NSUN6: variants seen among roughly 807,000 people sequenced by gnomAD.
NSUN6 encodes the protein tRNA (cytosine(72)-C(5))-methyltransferase NSUN6.
A neutral mutation model predicts 58.0 loss-of-function variants in NSUN6; 64 were observed. The observed-to-expected ratio is 1.10, with a 90% CI of 0.90 to 1.36. The LOEUF (loss-of-function observed/expected upper bound fraction) is 1.36. NSUN6 is among the 40% of genes most tolerant of loss of function. The probability of loss-of-function intolerance (pLI) is 0.00; values close to 1 mark genes in which losing one functional copy is unlikely to be tolerated. For synonymous variants in NSUN6, 231 were observed against 193.9 expected (o/e 1.19, Z -1.59); for missense variants, 701 against 550.1 (o/e 1.27, Z -2.74).
At chr10:18,605,308 A>G in intron 6 of NSUN6, among the ~76,000 whole-genome samples, 1 of 152,210 alleles carries the variant, frequency 6.6e-6, no homozygotes, top group East Asian at 1.9e-4. Context: ...AAAATAATTA[A>G]ATATAGTAAT....
intron 7 of NSUN6, among the ~76,000 whole-genome samples, chr10:18,587,305 T>G (rs2057195366): frequency 6.6e-6 from 1 of 152,200 alleles, no homozygotes; most frequent in Non-Finnish European, 1.5e-5. Flanking sequence ...ACTGGTCATT[T>G]TAATATTTCC....
chr10:18,553,800 T>C (rs1408082994), intron 8 of NSUN6, among the ~76,000 whole-genome samples: 1 of 148,208 alleles, frequency 6.7e-6, no homozygotes, highest in African/African-American at 2.5e-5. Context: ...GAATGGAGAA[T>C]GGAATGGAAT....
chr10:18,610,077 T>TG, intron 5 of NSUN6, 151 bp from the exon 6 acceptor site: 1 of 608,504 alleles, frequency 1.6e-6, no homozygotes, highest in South Asian at 2.0e-5. Context: ...CCCAGCACTT[T>TG]GGGAGGCAGA....
chr10:18,652,824 G>A (rs1382908756), upstream of NSUN6: 1 of 808,906 alleles, frequency 1.2e-6, no homozygotes, highest in Non-Finnish European at 1.5e-6. Flanking sequence ...CTCCCAAAGT[G>A]CTGGGATTAC....
chr10:18,559,170 G>A (rs190914500), intron 8 of NSUN6, among the ~76,000 whole-genome samples: 1 of 151,140 alleles, frequency 6.6e-6, no homozygotes, highest in African/African-American at 2.4e-5. Context: ...GGAATGGAAT[G>A]GAGAATAGAA....
intron 3 of NSUN6, among the ~76,000 whole-genome samples, chr10:18,618,793 C>G (rs1217258054): frequency 6.6e-6 from 1 of 150,426 alleles, no homozygotes; most frequent in Non-Finnish European, 1.5e-5. Flanking sequence ...AGAGTCATCT[C>G]CTAATTCAAA....
intron 8 of NSUN6, among the ~76,000 whole-genome samples, chr10:18,558,445 GAGAATGGA>G (rs2055218769): frequency 6.6e-6 from 1 of 151,100 alleles, no homozygotes; most frequent in South Asian, 2.1e-4. Flanking sequence ...GGATGGTGTG[GAGAATGGA>G]ATAGAATGGA....
chr10:18,639,270 G>A (rs768623265), intron 3 of NSUN6, among the ~76,000 whole-genome samples: 4 of 152,144 alleles, frequency 2.6e-5, no homozygotes, highest in African/African-American at 7.2e-5. Flanking sequence ...TGAGGCAGGC[G>A]GATCATGAAG....
chr10:18,564,978 T>C (rs942019961), intron 8 of NSUN6, among the ~76,000 whole-genome samples: 1 of 151,212 alleles, frequency 6.6e-6, no homozygotes, highest in African/African-American at 2.4e-5. Flanking sequence ...CCATTCTCCA[T>C]TCCATTCCAT....
intron 7 of NSUN6, among the ~76,000 whole-genome samples, chr10:18,586,942 C>G (rs1032515842): frequency 3.9e-5 from 6 of 152,152 alleles, no homozygotes; most frequent in African/African-American, 1.4e-4. Context: ...GGTGCGTTTA[C>G]AATCCTCTAG....
intron 9 of NSUN6, among the ~76,000 whole-genome samples, chr10:18,549,865 G>C (rs2054497042): frequency 6.6e-6 from 1 of 152,184 alleles, no homozygotes. Flanking sequence ...GTGAAACACT[G>C]TATATGAATT....
upstream of NSUN6, among the ~76,000 whole-genome samples, chr10:18,655,635 C>A: frequency 6.6e-6 from 1 of 152,004 alleles, no homozygotes; most frequent in African/African-American, 2.4e-5. Context: ...AGGCTCCACC[C>A]GAAGGAATGG....
rs751821413 is a variant in NSUN6 at position 18,586,122 on chromosome 10, GA to G, written c.778-30del. 6.1e-3 allele frequency: 6,957 copies of G among 1,134,256 alleles called. 1 individual carries two copies. Among genetic ancestry groups the G allele is most frequent in the South Asian group, 0.013 (708 of 52,744 alleles). 70.3% of individuals were successfully genotyped at this position (1,134,256 alleles called of 1,614,324 possible). On this transcript the variant is annotated intron_variant, in intron 7 of 10. Transcript: ENST00000377304. The stretch of plus-strand genomic sequence containing the variant: ...AAAAGAAACAAAACACACACATGCA[GA>G]AAAAAAAAAAGAAAATTATAAATCC...
At chr10:18,571,993 C>CTCCAT (rs2056392856) in intron 8 of NSUN6, among the ~76,000 whole-genome samples, 1 of 150,620 alleles carries the variant, frequency 6.6e-6, no homozygotes, top group Non-Finnish European at 1.5e-5. Flanking sequence ...CCATTCCAGT[C>CTCCAT]TCCATTCCAT....
At chr10:18,654,933 T>C (rs1051317338), upstream of NSUN6, 1 of 230,990 alleles carries the variant, frequency 4.3e-6, no homozygotes, top group Non-Finnish European at 7.1e-6. Context: ...ATGAATACAA[T>C]TTAGTTAAGA....
chr10:18,642,547 A>G lies in NSUN6; in HGVS notation c.240T>C (p.Asn80=). The change falls in exon 3 of 11, where the codon AAT becomes AAC. Residue 80 remains asparagine, a synonymous_variant. Coordinates refer to ENST00000377304, the MANE Select transcript of NSUN6 (RefSeq NM_182543.5). The stretch of plus-strand genomic sequence containing the variant: ...GTTGAAGAATAGGAACACTTAATCC[A>G]TTAAACTGCTGTTAAAGATAAACAT... ...LLLDELQKQF[N]GLSVPILQHP... is the part of the protein sequence containing the mutation. The G allele has an allele frequency of 6.8e-7, 1 of 1,466,256 alleles. No individual in the cohort carries two copies. Among genetic ancestry groups the G allele is most frequent in the Non-Finnish European group, 9.5e-7 (1 of 1,047,566 alleles). 90.8% of individuals were successfully genotyped at this position (1,466,256 alleles called of 1,614,324 possible).
chr10:18,594,443 T>TG (rs1257622190), intron 7 of NSUN6, among the ~76,000 whole-genome samples: 2 of 151,342 alleles, frequency 1.3e-5, no homozygotes, highest in East Asian at 3.9e-4. Context: ...TTTTTTTTGT[T>TG]GTTGTTGTTT....
chr10:18,616,137 C>A lies in NSUN6; in HGVS notation c.421+47G>T, dbSNP rs372629974. The A allele has an allele frequency of 6.5e-6, 7 of 1,075,472 alleles. No individual in the cohort carries two copies. In the African/African-American group the frequency reaches 7.9e-5, roughly 12 times the overall value. The allele number at this position is 1,075,472 out of a possible 1,614,324, so 66.6% of individuals were successfully genotyped here. A position where few individuals can be genotyped will look rare whatever the true frequency, so the allele number is the denominator to read the frequency against. ...AATAAATTTTCCATTTGAAAATGCA[C>A]ATAAATTTTAGAGAACCTTAAAGAC... On this transcript the variant is annotated intron_variant, in intron 4 of 10. Coordinates refer to ENST00000377304, the MANE Select transcript of NSUN6 (RefSeq NM_182543.5).
upstream of NSUN6, chr10:18,651,929 G>C (rs1028334074): frequency 2.0e-6 from 2 of 985,324 alleles, no homozygotes; most frequent in Middle Eastern, 5.2e-4. Context: ...CAGCCCAGTT[G>C]CTGTCCTGCC....
Sources: allele counts gnomAD v4.1 joint callset (sites outside exome capture counted in the v4.1 genomes callset), GRCh38; gene constraint gnomAD v4.1.1; transcripts MANE v1.5; gene names NCBI Gene and HGNC (gene_info 2026-07-23, HGNC 2026-07-21).